Variants in ST6GAL2 observed in about 807,000 individuals in gnomAD.
ST6GAL2 encodes ST6 beta-galactoside alpha-2,6-sialyltransferase 2.
In ST6GAL2, 24 loss-of-function variants were observed where a neutral mutation model predicts 37.5. The observed-to-expected ratio is 0.64, with a 90% CI of 0.46 to 0.90. The LOEUF (loss-of-function observed/expected upper bound fraction) is 0.90, where lower values mean the gene tolerates loss of function less well. ST6GAL2 is among the 40% of genes least tolerant of loss of function. The probability of loss-of-function intolerance (pLI) is 0.00; values close to 1 mark genes in which losing one functional copy is unlikely to be tolerated. For missense variants in ST6GAL2, 715 were observed against 712.7 expected, an observed-to-expected ratio of 1.00 and a Z score of -0.04; for synonymous variants, 306 against 295.1, an observed-to-expected ratio of 1.04 and a Z score of -0.38.
chr2:106,885,326 C>G (rs981390288), intron 1 of ST6GAL2, among the ~76,000 whole-genome samples: 1 of 152,070 alleles, frequency 6.6e-6, no homozygotes, highest in African/African-American at 2.4e-5. Flanking sequence ...AAAATCCAGC[C>G]AAGCATTACT....
Position 106,802,853 on chromosome 2 carries a change from T to C in ST6GAL2, c.*3825A>G, listed in dbSNP as rs1430008728. ...CCCTTTCTCTGTCTCTTACCACAGC[T>C]AAGCAGAAATTCAACCAAGTAACTG... is the stretch of plus-strand genomic sequence containing the variant. On this transcript the variant is annotated 3_prime_UTR_variant, in exon 6 of 6. Coordinates refer to ENST00000409382, the MANE Select transcript of ST6GAL2 (RefSeq NM_001142351.2). 6.6e-6 allele frequency: 1 copy of C among 152,236 alleles called. No individual in the cohort carries two copies. The highest frequency in any genetic ancestry group is 1.5e-5 in the Non-Finnish European group (1 of 68,056). 9.4% of individuals were successfully genotyped at this position (152,236 alleles called of 1,614,324 possible). A position where few individuals can be genotyped will look rare whatever the true frequency, so the allele number is the denominator to read the frequency against.
intron 1 of ST6GAL2, among the ~76,000 whole-genome samples, chr2:106,879,177 A>G (rs1255336966): frequency 6.6e-6 from 1 of 152,172 alleles, no homozygotes; most frequent in Non-Finnish European, 1.5e-5. Flanking sequence ...AAAAAATGCC[A>G]AACAAAAAAA....
chr2:106,874,862 C>A (rs183536902), intron 1 of ST6GAL2, among the ~76,000 whole-genome samples: 3 of 152,188 alleles, frequency 2.0e-5, no homozygotes, highest in Non-Finnish European at 4.4e-5. Context: ...CCAGCATTTG[C>A]AGCAGCAGGT....
At chr2:106,845,436 T>C (rs1396470632) in intron 1 of ST6GAL2, among the ~76,000 whole-genome samples, 1 of 151,778 alleles carries the variant, frequency 6.6e-6, no homozygotes, top group Non-Finnish European at 1.5e-5. Flanking sequence ...AGGAAGTCGT[T>C]AGTAGAAATC....
At chr2:106,823,442 AACACACAC>A (rs60795605) in intron 5 of ST6GAL2, among the ~76,000 whole-genome samples, 20 of 101,508 alleles carry the variant, frequency 2.0e-4, no homozygotes, top group Middle Eastern at 5.6e-3. Context: ...CCCAGCAGAA[AACACACAC>A]ACACACACAC....
rs139185648 is a variant in ST6GAL2, at chr2:106,876,221, T to A, written c.-58+9872A>T. ...ATAAACTGGAATATTTTAAAATACA[T>A]CTTCAAGATTTAGAGTAAAATGTAC... On this transcript the variant is annotated intron_variant, in intron 1 of 5. Coordinates refer to ENST00000409382, the MANE Select transcript of ST6GAL2 (RefSeq NM_001142351.2). 1.6e-3 allele frequency among the ~76,000 whole-genome samples: 250 copies of A among 152,316 alleles called. 2 individuals are homozygous for A. Among genetic ancestry groups the A allele is most frequent in the African/African-American group, 5.7e-3 (236 of 41,568 alleles).
At position 106,843,414 on chromosome 2, in the gene ST6GAL2, CT is replaced by C. The variant is rs1558700883; in HGVS notation, c.563del (p.Glu188GlyfsTer30). 6.2e-7 allele frequency: 1 copy of C among 1,614,136 alleles called. No homozygotes were observed. Among genetic ancestry groups the C allele is most frequent in the East Asian group, 2.2e-5 (1 of 44,828 alleles). On this transcript the variant is annotated frameshift_variant, in exon 2 of 6. Transcript: ENST00000409382. LOFTEE classifies it high-confidence loss of function. The part of the protein sequence containing the change: ...RRQRRSHVLE[E>X]GDDGDRLYSS... Reference sequence around the variant, plus strand: ...AGTACAGCCTGTCGCCGTCGTCGCCCTCCTCCAACACGTGGCTCCTTCTCTG... The same window carrying C: ...AGTACAGCCTGTCGCCGTCGTCGCCCCCTCCAACACGTGGCTCCTTCTCTG...
intron 5 of ST6GAL2, among the ~76,000 whole-genome samples, chr2:106,815,949 C>T (rs1353999645): frequency 6.6e-6 from 1 of 152,142 alleles, no homozygotes; most frequent in South Asian, 2.1e-4. Flanking sequence ...TCAGGGAACA[C>T]CATGCACTGT....
intron 5 of ST6GAL2, among the ~76,000 whole-genome samples, chr2:106,826,654 G>A (rs574248221): frequency 4.6e-5 from 7 of 152,182 alleles, no homozygotes; most frequent in African/African-American, 1.7e-4. Flanking sequence ...CTCCCACCAG[G>A]CCCAGGTGAA....
intron 5 of ST6GAL2, among the ~76,000 whole-genome samples, chr2:106,821,780 T>C (rs2104442546): frequency 6.6e-6 from 1 of 152,120 alleles, no homozygotes; most frequent in South Asian, 2.1e-4. Flanking sequence ...TACTAGTAAA[T>C]TGAATTCAAC....
intron 2 of ST6GAL2, 22 bp from the exon 3 acceptor site, chr2:106,834,168 G>C (rs1676539755): frequency 6.4e-7 from 1 of 1,556,216 alleles, no homozygotes; most frequent in Non-Finnish European, 8.9e-7. Flanking sequence ...TAAGTGACAA[G>C]CTTACTTTTG....
chr2:106,849,951 T>G (rs1233121946), intron 1 of ST6GAL2, among the ~76,000 whole-genome samples: 3 of 152,208 alleles, frequency 2.0e-5, no homozygotes, highest in African/African-American at 7.2e-5. Flanking sequence ...CTACAATGCC[T>G]GTCTCCCTAA....
At chr2:106,851,670 C>CTTT (rs5833214) in intron 1 of ST6GAL2, among the ~76,000 whole-genome samples, 17 of 135,854 alleles carry the variant, frequency 1.3e-4, no homozygotes, top group African/African-American at 4.1e-4. Flanking sequence ...GTTTTTCTTT[C>CTTT]TTTTTTTTTT....
At chr2:106,816,942 A>G (rs1213047882) in intron 5 of ST6GAL2, among the ~76,000 whole-genome samples, 1 of 152,114 alleles carries the variant, frequency 6.6e-6, no homozygotes, top group African/African-American at 2.4e-5. Flanking sequence ...AGACTTTGCA[A>G]TGGAACTCGG....
chr2:106,817,048 C>T (rs1675829096), intron 5 of ST6GAL2, among the ~76,000 whole-genome samples: 1 of 152,244 alleles, frequency 6.6e-6, no homozygotes, highest in South Asian at 2.1e-4. Flanking sequence ...GGCAAATCAT[C>T]CATCCCAGTG....
chr2:106,836,870 G>C (rs1676665191), intron 2 of ST6GAL2, among the ~76,000 whole-genome samples: 1 of 148,844 alleles, frequency 6.7e-6, no homozygotes, highest in Non-Finnish European at 1.5e-5. Flanking sequence ...CTTGAACCCA[G>C]GGGGCAGAGG....
chr2:106,810,114 A>G (rs1675552788), intron 5 of ST6GAL2, among the ~76,000 whole-genome samples: 1 of 152,180 alleles, frequency 6.6e-6, no homozygotes, highest in African/African-American at 2.4e-5. Context: ...CTTAGACTCA[A>G]AGAGCTATCA....
In ST6GAL2 at chr2:106,803,278, G is replaced by A. The variant is rs1675315663; in HGVS notation, c.*3400C>T. 6.6e-6 allele frequency: 1 copy of A among 152,230 alleles called. No individual in the cohort carries two copies. Among genetic ancestry groups the A allele is most frequent in the South Asian group, 2.1e-4 (1 of 4,820 alleles). 9.4% of individuals were successfully genotyped at this position (152,230 alleles called of 1,614,324 possible). The stretch of plus-strand genomic sequence containing the variant: ...ACCAAGAGGACCAGACACATGGGAA[G>A]TGCTGTTTCTCGAAGCTCTGCCTTC... On this transcript the variant is annotated 3_prime_UTR_variant, in exon 6 of 6. Coordinates refer to ENST00000409382, the MANE Select transcript of ST6GAL2 (RefSeq NM_001142351.2).
intron 1 of ST6GAL2, among the ~76,000 whole-genome samples, chr2:106,860,314 G>C (rs912587688): frequency 6.6e-6 from 1 of 152,218 alleles, no homozygotes; most frequent in Non-Finnish European, 1.5e-5. Flanking sequence ...GCCTGGAACA[G>C]TGCCTGGCAT....
Sources: gnomAD v4.1 joint callset for allele counts (sites outside exome capture counted in the v4.1 genomes callset) on GRCh38, gnomAD v4.1.1 for gene constraint, MANE v1.5 for transcripts, NCBI Gene and HGNC (gene_info 2026-07-23, HGNC 2026-07-21) for gene names.